The following DISC1 variants were observed in gnomAD, a reference collection of about 807,000 sequenced individuals.
DISC1 encodes the protein disrupted in schizophrenia 1 protein.
Under a neutral mutation model 84.5 loss-of-function variants are expected in DISC1, and 57 were observed. That is an observed-to-expected ratio of 0.67 (90% CI 0.55 to 0.84). DISC1 has a LOEUF of 0.84. Among genes scored for constraint, DISC1 ranks in the 40% least tolerant of loss-of-function variants. DISC1 has a pLI of 0.00. For synonymous variants in DISC1, 411 were observed against 415.2 expected, an observed-to-expected ratio of 0.99 and a Z score of 0.12; for missense variants, 1,000 against 1,057.8, an observed-to-expected ratio of 0.95 and a Z score of 0.76.
chr1:231,720,806 T>G, intron 3 of DISC1: 1 of 1,275,114 alleles, frequency 7.8e-7, no homozygotes, highest in South Asian at 1.2e-5. Context: ...CAGAAGTGGT[T>G]CTGAGCAGCA....
chr1:231,651,392 TG>T (rs1421973472), intron 1 of DISC1, among the ~76,000 whole-genome samples: 2 of 152,216 alleles, frequency 1.3e-5, no homozygotes, highest in Non-Finnish European at 2.9e-5. Context: ...GTATCACCAG[TG>T]GAGGCTGCAG....
intron 1 of DISC1, among the ~76,000 whole-genome samples, chr1:231,647,590 G>T (rs1037865153): frequency 6.6e-6 from 1 of 152,106 alleles, no homozygotes; most frequent in African/African-American, 2.4e-5. Context: ...TTCCAATTCT[G>T]TGAAGAAAGT....
intron 9 of DISC1, among the ~76,000 whole-genome samples, chr1:231,843,495 T>C (rs1208981029): frequency 1.3e-5 from 2 of 152,050 alleles, no homozygotes; most frequent in Non-Finnish European, 2.9e-5. Flanking sequence ...AGCTGCAGAA[T>C]GGAGAGAGAA....
intron 1 of DISC1, among the ~76,000 whole-genome samples, chr1:231,654,702 C>T (rs2060916915): frequency 6.6e-6 from 1 of 152,172 alleles, no homozygotes; most frequent in South Asian, 2.1e-4. Flanking sequence ...TAACTGAGAT[C>T]ATGCAGTATT....
chr1:231,983,778 G>C (rs80145656), intron 10 of DISC1, among the ~76,000 whole-genome samples: 2 of 152,280 alleles, frequency 1.3e-5, no homozygotes, highest in African/African-American at 4.8e-5. Flanking sequence ...TTGCTGAGCA[G>C]TCAATGTACA....
At chr1:231,767,037 C>A in intron 4 of DISC1, 103 bp from the exon 5 acceptor site, 1 of 1,497,496 alleles carries the variant, frequency 6.7e-7, no homozygotes, top group Non-Finnish European at 9.1e-7. Flanking sequence ...AGTATGAGAA[C>A]AGATGGGGGC....
intron 9 of DISC1, among the ~76,000 whole-genome samples, chr1:231,881,812 A>C (rs552821248): frequency 6.6e-6 from 1 of 152,318 alleles, no homozygotes; most frequent in South Asian, 2.1e-4. Flanking sequence ...AACACCCAGA[A>C]ATTTTGAAGC....
chr1:231,641,842 A>G (rs1317399889), intron 1 of DISC1, among the ~76,000 whole-genome samples: 1 of 152,190 alleles, frequency 6.6e-6, no homozygotes, highest in African/African-American at 2.4e-5. Context: ...CTAGACATAA[A>G]GGTTCTCCAA....
At chr1:231,866,506 G>A (rs2085065438) in intron 9 of DISC1, 1 of 796,868 alleles carries the variant, frequency 1.3e-6, no homozygotes, top group Non-Finnish European at 2.3e-6. Context: ...AATATTTAAT[G>A]TTCACTACTA....
At chr1:231,989,943 T>C (rs1466229434) in intron 10 of DISC1, among the ~76,000 whole-genome samples, 1 of 152,154 alleles carries the variant, frequency 6.6e-6, no homozygotes, top group Non-Finnish European at 1.5e-5. Flanking sequence ...GCTTCTACAC[T>C]ACACTTCCAG....
chr1:231,684,816 C>T (rs538080331), intron 1 of DISC1: 6 of 152,292 alleles, frequency 3.9e-5, no homozygotes, highest in Admixed American at 1.3e-4. Flanking sequence ...GAATGCCACC[C>T]AGGAGTCAAA....
At chr1:231,936,140 C>A (rs904253506) in intron 9 of DISC1, among the ~76,000 whole-genome samples, 1 of 152,182 alleles carries the variant, frequency 6.6e-6, no homozygotes, top group Non-Finnish European at 1.5e-5. Context: ...GACCTCCCAA[C>A]ATTCTGGTTC....
At chr1:231,797,411 A>G (rs779551746) in intron 7 of DISC1, among the ~76,000 whole-genome samples, 2 of 152,234 alleles carry the variant, frequency 1.3e-5, no homozygotes, top group Non-Finnish European at 2.9e-5. Context: ...TAAACAACAG[A>G]AATTTAATTC....
intron 4 of DISC1, among the ~76,000 whole-genome samples, chr1:231,751,767 T>C (rs2074623138): frequency 6.6e-6 from 1 of 152,246 alleles, no homozygotes. Context: ...TATAGTGTCT[T>C]CAATGTTCAT....
chr1:231,757,990 G>T (rs1021608512), intron 4 of DISC1, among the ~76,000 whole-genome samples: 1 of 151,552 alleles, frequency 6.6e-6, no homozygotes, highest in Non-Finnish European at 1.5e-5. Context: ...CTCGGAACCT[G>T]TGTGAGGAGG....
At chr1:231,637,751 A>G (rs1413448420) in intron 1 of DISC1, among the ~76,000 whole-genome samples, 1 of 152,244 alleles carries the variant, frequency 6.6e-6, no homozygotes, top group African/African-American at 2.4e-5. Context: ...GTTGATGAAC[A>G]TCTAGGTTGA....
intron 9 of DISC1, among the ~76,000 whole-genome samples, chr1:231,884,624 G>A (rs1443355695): frequency 6.6e-6 from 1 of 152,034 alleles, no homozygotes; most frequent in Non-Finnish European, 1.5e-5. Flanking sequence ...AACAATAGAC[G>A]CTGGGGCCTA....
chr1:231,910,092 G>C (rs535035701), intron 9 of DISC1, among the ~76,000 whole-genome samples: 1 of 151,888 alleles, frequency 6.6e-6, no homozygotes, highest in African/African-American at 2.4e-5. Context: ...TCTTGCTAGC[G>C]GTCTATCAAT....
chr1:231,987,493 C>T (rs1387800030), intron 10 of DISC1, among the ~76,000 whole-genome samples: 1 of 152,248 alleles, frequency 6.6e-6, no homozygotes, highest in African/African-American at 2.4e-5. Flanking sequence ...ATAATCAGCA[C>T]CATACAAATT....
Sources: allele counts gnomAD v4.1 joint callset (sites outside exome capture counted in the v4.1 genomes callset), GRCh38; gene constraint gnomAD v4.1.1; transcripts MANE v1.5; gene names NCBI Gene and HGNC (gene_info 2026-07-23, HGNC 2026-07-21).